Variants in APOL5 observed in about 807,000 individuals in gnomAD.
The protein encoded by APOL5 is apolipoprotein L5.
APOL5 carries 29 observed loss-of-function variants against 35.5 expected under a neutral mutation model. That is an observed-to-expected ratio of 0.82 (90% CI 0.61 to 1.11). APOL5 has a LOEUF of 1.11. Among genes scored for constraint, APOL5 ranks in the 50% most tolerant of loss-of-function variants. APOL5 has a pLI of 0.00. For missense variants in APOL5, 514 were observed against 530.4 expected (o/e 0.97, Z 0.30); for synonymous variants, 188 against 200.2 (o/e 0.94, Z 0.51).
chr22:35,728,827 C>T lies in APOL5; in HGVS notation c.1231C>T (p.Leu411Phe). 2 of 1,612,576 alleles carry T rather than the reference C, an allele frequency of 1.2e-6. No homozygotes were observed. Among genetic ancestry groups the T allele is most frequent in the East Asian group, 2.2e-5 (1 of 44,690 alleles). The change falls in exon 4 of 5, where the codon CTT (leucine) becomes TTT (phenylalanine). Residue 411 changes from leucine to phenylalanine, a missense_variant. By Grantham distance (22) the Leu-to-Phe change is conservative. Coordinates refer to ENST00000249044, the MANE Select transcript of APOL5 (RefSeq NM_030642.1). ...PKRTVSAPRM[L>F]GHQPAPPAPA... ...GAGGACAGTCTCTGCCCCAAGGATG[C>T]TTGGCCACCAGCCAGCCCCACCAGC...
At chr22:35,728,386 G>A (rs957244460) in intron 3 of APOL5, among the ~76,000 whole-genome samples, 1 of 152,122 alleles carries the variant, frequency 6.6e-6, no homozygotes, top group African/African-American at 2.4e-5. Context: ...ACGACGCCTG[G>A]CTAATTTTTT....
At chr22:35,717,235 A>AAAAAAATATATATATATATATAT, upstream of APOL5, among the ~76,000 whole-genome samples, 1 of 57,660 alleles carries the variant, frequency 1.7e-5, no homozygotes, top group African/African-American at 8.0e-5. Context: ...AAAAAAAAAA[A>AAAAAAATATATATATATATATAT]ATATATATAT....
chr22:35,712,965 CGGATTCACTGCCAACCTGTACACCTTAGT>C (rs1436673683), upstream of APOL5, among the ~76,000 whole-genome samples: 1 of 152,196 alleles, frequency 6.6e-6, no homozygotes, highest in Non-Finnish European at 1.5e-5. Flanking sequence ...GGAACCAATC[CGGATTCACTGCCAACCTGTACACCTTAGT>C]GGATTCACTG....
intron 1 of APOL5, among the ~76,000 whole-genome samples, chr22:35,718,593 C>CA (rs58513283): frequency 0.031 from 2,963 of 96,702 alleles, 100 homozygotes; most frequent in African/African-American, 0.079. Flanking sequence ...GACCCCGTCT[C>CA]AAAAAAAAAA....
At chr22:35,717,235 A>AAAATATATATAT, upstream of APOL5, among the ~76,000 whole-genome samples, 17 of 57,662 alleles carry the variant, frequency 2.9e-4, 1 homozygote, top group South Asian at 0.014. Flanking sequence ...AAAAAAAAAA[A>AAAATATATATAT]ATATATATAT....
chr22:35,725,808 C>T (rs763828535), intron 2 of APOL5, among the ~76,000 whole-genome samples: 3 of 152,090 alleles, frequency 2.0e-5, no homozygotes, highest in African/African-American at 7.2e-5. Context: ...GATGTTATCT[C>T]GAGGAGCAAT....
At chr22:35,724,766 G>A (rs1273634906) in intron 2 of APOL5, among the ~76,000 whole-genome samples, 1 of 151,830 alleles carries the variant, frequency 6.6e-6, no homozygotes, top group Non-Finnish European at 1.5e-5. Context: ...GCCCACTACC[G>A]TGCCTGGCTA....
At chr22:35,719,825 AG>A (rs1926898100) in intron 1 of APOL5, among the ~76,000 whole-genome samples, 1 of 152,238 alleles carries the variant, frequency 6.6e-6, no homozygotes, top group Non-Finnish European at 1.5e-5. Context: ...TTCTAACCCT[AG>A]TATGCCAGAA....
intron 3 of APOL5, among the ~76,000 whole-genome samples, chr22:35,727,910 G>A (rs1003524731): frequency 6.6e-6 from 1 of 152,176 alleles, no homozygotes; most frequent in African/African-American, 2.4e-5. Flanking sequence ...AAAAATAAAG[G>A]AGAATTTCGA....
Position 35,728,837 on chromosome 22 carries a change from A to C in APOL5, c.1241A>C (p.Gln414Pro). The change falls in exon 4 of 5, where the codon CAG becomes CCG. Residue 414 changes from glutamine (Q) to proline (P), a missense_variant. Gln to Pro is a moderately conservative substitution (Grantham distance 76, BLOSUM62 -1). Transcript: ENST00000249044. ...TCTGCCCCAAGGATGCTTGGCCACC[A>C]GCCAGCCCCACCAGCACCAGCAAGA... ...TVSAPRMLGH[Q>P]PAPPAPARKG... 1 of 1,612,486 alleles carries C rather than the reference A, an allele frequency of 6.2e-7. No homozygotes were observed. Among genetic ancestry groups the C allele is most frequent in the Non-Finnish European group, 8.5e-7 (1 of 1,179,384 alleles).
intron 2 of APOL5, among the ~76,000 whole-genome samples, chr22:35,723,274 A>G (rs562423695): frequency 6.6e-6 from 1 of 152,294 alleles, no homozygotes; most frequent in African/African-American, 2.4e-5. Flanking sequence ...GTAGATGCTC[A>G]ATTAGGAGAC....
In APOL5 at chr22:35,720,601, G is replaced by C; in HGVS notation, c.89G>C (p.Arg30Pro). ...GAAGGTTGTAAAGAAATGTGGCTTC[G>C]AAAGGTAATCTACGGAGGTGAGGTC... ...LGEGCKEMWL[R>P]KVIYGGEVWG... The change falls in exon 2 of 5, where the codon CGA (arginine) becomes CCA (proline). Residue 30 changes from arginine to proline, a missense_variant. Coordinates refer to ENST00000249044, the MANE Select transcript of APOL5 (RefSeq NM_030642.1). 2 of 1,614,166 alleles carry C rather than the reference G, an allele frequency of 1.2e-6. No individual in the cohort carries two copies. Among genetic ancestry groups the C allele is most frequent in the East Asian group, 2.2e-5 (1 of 44,884 alleles).
chr22:35,723,842 G>A (rs573622553), intron 2 of APOL5, among the ~76,000 whole-genome samples: 12 of 152,264 alleles, frequency 7.9e-5, no homozygotes, highest in Admixed American at 6.5e-4. Flanking sequence ...CATCATGCCC[G>A]GCTACTCGGG....
At chr22:35,711,654 C>CCTTG in the APOL5 span, among the ~76,000 whole-genome samples, 1 of 120,914 alleles carries the variant, frequency 8.3e-6, no homozygotes, top group South Asian at 2.9e-4. Flanking sequence ...TTCCCTCCCT[C>CCTTG]CCTCCCTCTC....
At chr22:35,714,778 G>A (rs565169039), upstream of APOL5, among the ~76,000 whole-genome samples, 1 of 152,328 alleles carries the variant, frequency 6.6e-6, no homozygotes, top group African/African-American at 2.4e-5. Context: ...GAGAGAGGAG[G>A]CAGGAGAGAG....
chr22:35,720,888 G>A (rs1926950457), intron 2 of APOL5, among the ~76,000 whole-genome samples: 2 of 152,158 alleles, frequency 1.3e-5, no homozygotes, highest in African/African-American at 4.8e-5. Flanking sequence ...TGGGATTACA[G>A]GCGCCCGCCA....
upstream of APOL5, among the ~76,000 whole-genome samples, chr22:35,714,610 C>A (rs966161081): frequency 6.6e-6 from 1 of 152,228 alleles, no homozygotes; most frequent in Non-Finnish European, 1.5e-5. Context: ...GACTGAACTA[C>A]CTGGCTTAGG....
upstream of APOL5, among the ~76,000 whole-genome samples, chr22:35,715,599 G>A (rs765925153): frequency 6.6e-6 from 1 of 152,172 alleles, no homozygotes; most frequent in Non-Finnish European, 1.5e-5. Context: ...AGCCGAGATC[G>A]TGCCACTGCA....
In APOL5 at chr22:35,726,630, A is replaced by G; in HGVS notation, c.562A>G (p.Asn188Asp). Residue 188 changes from asparagine (N) to aspartate (D), a missense_variant, in exon 3 of 5, where the codon AAT becomes GAT. Physicochemically the swap from Asn to Asp is conservative, Grantham distance 23. This residue lies in a region of APOL5 where 254 missense variants were observed against 254.7 expected (regional missense o/e 1.00). Transcript: ENST00000249044. ...AGCTGCCATCACCAACATAGTAACA[A>G]ATGTCTTAGAAAATAGAAGCAATTC... ...AAAAITNIVTNVLENRSNSAA... is the reference protein window; with the variant it reads ...AAAAITNIVTDVLENRSNSAA... The G allele has an allele frequency of 3.1e-6, 5 of 1,614,190 alleles. No homozygotes were observed. The highest frequency in any genetic ancestry group is 4.2e-6 in the Non-Finnish European group (5 of 1,180,026).
Sources: gnomAD v4.1 joint callset for allele counts (sites outside exome capture counted in the v4.1 genomes callset) on GRCh38, gnomAD v4.1.1 for gene constraint, gnomAD v4.1.1 regional missense constraint, MANE v1.5 for transcripts, NCBI Gene and HGNC (gene_info 2026-07-23, HGNC 2026-07-21) for gene names.